Variants in HS3ST4 observed in about 807,000 individuals in gnomAD.
The protein encoded by HS3ST4 is heparan sulfate-glucosamine 3-sulfotransferase 4.
Under a neutral mutation model 29.2 loss-of-function variants are expected in HS3ST4, and 17 were observed. The observed-to-expected ratio is 0.58, with a 90% confidence interval of 0.40 to 0.87. HS3ST4 has a LOEUF of 0.87. Among genes scored for constraint, HS3ST4 ranks in the 40% least tolerant of loss-of-function variants. HS3ST4 has a pLI of 0.00. For missense variants in HS3ST4, 627 were observed against 634.5 expected, an observed-to-expected ratio of 0.99 and a Z score of 0.13; for synonymous variants, 314 against 285.7, an observed-to-expected ratio of 1.10 and a Z score of -1.00.
At chr16:25,840,786 T>G (rs1052241263) in intron 1 of HS3ST4, among the ~76,000 whole-genome samples, 6 of 152,044 alleles carry the variant, frequency 3.9e-5, no homozygotes, top group Admixed American at 2.0e-4. Flanking sequence ...ACAGCTTGGA[T>G]CAAATAAACA....
chr16:26,079,498 T>C lies in HS3ST4; in HGVS notation c.735-56114T>C, dbSNP rs73516347. On this transcript the variant is annotated intron_variant, in intron 1 of 1. Coordinates refer to ENST00000331351, the MANE Select transcript of HS3ST4 (RefSeq NM_006040.3). ...TAATAATAACAACAGCAAACATTGA[T>C]TGCATCCTTACTATTTATCAGGCAC... Among the ~76,000 whole-genome samples, 1,049 of 152,326 alleles carry C rather than the reference T, an allele frequency of 6.9e-3. 15 individuals are homozygous for C. The highest frequency in any genetic ancestry group is 0.024 in the African/African-American group (1,010 of 41,574).
rs550456448 is a variant in HS3ST4, at chr16:25,741,109, ACTTGT to A, written c.734+47962_734+47966del. Among the ~76,000 whole-genome samples, 397 of 152,088 alleles carry A rather than the reference ACTTGT, an allele frequency of 2.6e-3. 2 individuals carry two copies. The highest frequency in any genetic ancestry group is 0.014 in the South Asian group (68 of 4,818). Reference sequence around the variant, plus strand: ...TTGAAGGGATTTCTTTTTTTGAATTACTTGTCTTATTTCCTTCCCATGCAGGACTT... The same window carrying A: ...TTGAAGGGATTTCTTTTTTTGAATTACTTATTTCCTTCCCATGCAGGACTT... On this transcript the variant is annotated intron_variant, in intron 1 of 1. Transcript: ENST00000331351.
intron 1 of HS3ST4, among the ~76,000 whole-genome samples, chr16:26,056,839 T>G (rs1056463527): frequency 1.3e-5 from 2 of 152,228 alleles, no homozygotes; most frequent in African/African-American, 4.8e-5. Flanking sequence ...GTAAATATCC[T>G]AGCAATGACA....
At chr16:26,129,497 AT>A (rs1899389643) in intron 1 of HS3ST4, among the ~76,000 whole-genome samples, 1 of 152,226 alleles carries the variant, frequency 6.6e-6, no homozygotes, top group South Asian at 2.1e-4. Context: ...GGGGATTACA[AT>A]AAAACCTTAT....
chr16:25,779,488 A>T (rs990491417), intron 1 of HS3ST4, among the ~76,000 whole-genome samples: 1 of 152,176 alleles, frequency 6.6e-6, no homozygotes, highest in African/African-American at 2.4e-5. Flanking sequence ...TTATTCATTT[A>T]ATCAACCAAC....
intron 1 of HS3ST4, chr16:26,032,933 A>C (rs1443915348): frequency 1.3e-6 from 1 of 779,334 alleles, no homozygotes; most frequent in Non-Finnish European, 2.2e-6. Context: ...GGCGTGTTTT[A>C]AGACTGATTT....
intron 1 of HS3ST4, among the ~76,000 whole-genome samples, chr16:25,858,880 G>T (rs532730667): frequency 3.3e-5 from 5 of 151,670 alleles, no homozygotes; most frequent in African/African-American, 1.2e-4. Context: ...TTTTTATCTG[G>T]TTTCTCTGAG....
At chr16:26,082,771 G>A (rs1052226928) in intron 1 of HS3ST4, among the ~76,000 whole-genome samples, 13 of 152,230 alleles carry the variant, frequency 8.5e-5, no homozygotes, top group Admixed American at 7.2e-4. Context: ...CAGAGCATCC[G>A]TCATCCTGGA....
intron 1 of HS3ST4, among the ~76,000 whole-genome samples, chr16:25,834,940 C>T (rs1219915511): frequency 1.3e-5 from 2 of 152,068 alleles, no homozygotes; most frequent in African/African-American, 2.4e-5. Flanking sequence ...GAGTGAGACC[C>T]TGTCTCAAAA....
intron 1 of HS3ST4, among the ~76,000 whole-genome samples, chr16:25,939,382 G>T (rs980235054): frequency 2.0e-5 from 3 of 150,934 alleles, no homozygotes; most frequent in African/African-American, 7.3e-5. Context: ...TTACTGCCCA[G>T]GCTGGAGTGC....
At chr16:25,874,918 C>T (rs1893041047) in intron 1 of HS3ST4, among the ~76,000 whole-genome samples, 1 of 152,108 alleles carries the variant, frequency 6.6e-6, no homozygotes, top group Admixed American at 6.6e-5. Context: ...CTTATCTGTA[C>T]ATGGGATTAA....
chr16:26,102,502 C>T (rs139722237), intron 1 of HS3ST4, among the ~76,000 whole-genome samples: 2 of 152,290 alleles, frequency 1.3e-5, no homozygotes, highest in South Asian at 2.1e-4. Flanking sequence ...CCTATCTACT[C>T]TCTCATGTGT....
At chr16:25,876,403 T>A (rs1397659359) in intron 1 of HS3ST4, among the ~76,000 whole-genome samples, 1 of 152,160 alleles carries the variant, frequency 6.6e-6, no homozygotes, top group African/African-American at 2.4e-5. Flanking sequence ...TTTGGCATGC[T>A]TCTTATGAGT....
chr16:26,113,408 T>C (rs1169587124), intron 1 of HS3ST4, among the ~76,000 whole-genome samples: 1 of 146,350 alleles, frequency 6.8e-6, no homozygotes, highest in African/African-American at 2.6e-5. Flanking sequence ...ATCACGCCAC[T>C]GCACTCCAGT....
chr16:26,023,297 A>T (rs9929907), intron 1 of HS3ST4, among the ~76,000 whole-genome samples: 105,333 of 150,990 alleles, frequency 0.7, 37,913 homozygotes, highest in African/African-American at 0.88. Context: ...TATATGTTTT[A>T]TATATATATA....
intron 1 of HS3ST4, among the ~76,000 whole-genome samples, chr16:25,773,279 T>A (rs1246330051): frequency 1.3e-5 from 2 of 152,170 alleles, no homozygotes; most frequent in Non-Finnish European, 1.5e-5. Context: ...CACCTCCATA[T>A]TTTTACTGCT....
intron 1 of HS3ST4, among the ~76,000 whole-genome samples, chr16:26,122,633 T>G (rs1264647001): frequency 1.3e-5 from 2 of 152,202 alleles, no homozygotes; most frequent in Admixed American, 6.5e-5. Flanking sequence ...TATGCCACAC[T>G]GAAGCTGTTC....
Position 26,130,206 on chromosome 16 carries a change from C to T in HS3ST4, c.735-5406C>T, listed in dbSNP as rs148724720. Among the ~76,000 whole-genome samples the T allele has an allele frequency of 9.8e-5, 15 of 152,292 alleles. No individual in the cohort carries two copies. The East Asian group carries it at 1.2e-3, about 12-fold the overall frequency. On this transcript the variant is annotated intron_variant, in intron 1 of 1. Coordinates refer to ENST00000331351, the MANE Select transcript of HS3ST4 (RefSeq NM_006040.3). Reference sequence around the variant, plus strand: ...GGACTGTGTGTTGACGCTGATGTCACGGCTGCTCTGAGCGCCCAAGATACT... The same window carrying T: ...GGACTGTGTGTTGACGCTGATGTCATGGCTGCTCTGAGCGCCCAAGATACT...
At chr16:25,956,989 C>A (rs543691714) in intron 1 of HS3ST4, among the ~76,000 whole-genome samples, 16 of 127,448 alleles carry the variant, frequency 1.3e-4, no homozygotes, top group African/African-American at 4.6e-4. Context: ...CAGAGCGAGA[C>A]TCCGTCTCAA....
Sources: allele counts gnomAD v4.1 joint callset (sites outside exome capture counted in the v4.1 genomes callset), GRCh38; gene constraint gnomAD v4.1.1; transcripts MANE v1.5; gene names NCBI Gene and HGNC (gene_info 2026-07-23, HGNC 2026-07-21).